Variants in BCL6 observed in about 807,000 individuals in gnomAD.
BCL6 encodes B-cell lymphoma 6 protein.
BCL6 carries 7 observed loss-of-function variants against 59.5 expected under a neutral mutation model. The ratio of observed to expected loss-of-function variants is 0.12; its 90% CI spans 0.07 to 0.22. The LOEUF is 0.22. BCL6 is among the 10% of genes least tolerant of loss of function. The probability of loss-of-function intolerance (pLI) is 1.00; values close to 1 mark genes in which losing one functional copy is unlikely to be tolerated. For missense variants in BCL6, 685 were observed against 939.4 expected (o/e 0.73, Z 3.54); for synonymous variants, 339 against 349.7 (o/e 0.97, Z 0.34).
intron 7 of BCL6, 141 bp downstream of exon 7, chr3:187,726,590 C>T (rs957240201): frequency 4.2e-6 from 5 of 1,187,132 alleles, no homozygotes; most frequent in African/African-American, 1.5e-5. Context: ...AGGGTTAGAC[C>T]CCTCGTTCAG....
rs1286889447 is a variant in BCL6 at position 187,725,434 on chromosome 3, A to G, written c.1839+65T>C. On this transcript the variant is annotated intron_variant, in intron 8 of 9. Transcript: ENST00000406870. The surrounding 1 kb of genome is among the most constrained non-coding windows in gnomAD (Gnocchi z 4.7). ...TGCCCACTCCTCCGCTTGCCTGCCCACTCCTCCGCTCGCCTGCCCGCTCCG... is the reference window on the plus strand; with the variant it reads ...TGCCCACTCCTCCGCTTGCCTGCCCGCTCCTCCGCTCGCCTGCCCGCTCCG... The G allele has an allele frequency of 5.8e-5, 88 of 1,511,950 alleles. 1 individual carries two copies. In the Admixed American group the frequency reaches 1.5e-3, roughly 26 times the overall value. 93.7% of individuals were successfully genotyped at this position (1,511,950 alleles called of 1,614,324 possible). A position where few individuals can be genotyped will look rare whatever the true frequency, so the allele number is the denominator to read the frequency against.
rs557073008 is a variant in BCL6 at position 187,725,278 on chromosome 3, A to ACCCGCTCTGCTCACCTG, written c.1839+204_1840-201dup. On this transcript the variant is annotated intron_variant, in intron 8 of 9. Transcript: ENST00000406870. The surrounding 1 kb of genome is among the most constrained non-coding windows in gnomAD (Gnocchi z 4.7). Reference sequence around the variant, plus strand: ...GCTCACCTGCCCACTCTGCTCACCTACCCGCTCTGCTCACCTGCCCGCTCT... The same window carrying ACCCGCTCTGCTCACCTG: ...GCTCACCTGCCCACTCTGCTCACCTACCCGCTCTGCTCACCTGCCCGCTCTGCTCACCTGCCCGCTCT... Among the ~76,000 whole-genome samples the ACCCGCTCTGCTCACCTG allele has an allele frequency of 7.3e-5, 10 of 136,498 alleles. No individual in the cohort carries two copies. The highest frequency in any genetic ancestry group is 2.9e-4 in the Admixed American group (4 of 14,024). The allele number at this position is 136,498 out of a possible 152,430, so 89.5% of individuals were successfully genotyped here.
At chr3:187,744,619 T>G (rs543725302) in intron 1 of BCL6, among the ~76,000 whole-genome samples, 2 of 152,136 alleles carry the variant, frequency 1.3e-5, no homozygotes, top group Admixed American at 6.5e-5. Context: ...TTGCATTTTT[T>G]CCTTCCAAAT....
chr3:187,724,030 G>A (rs1220514005), intron 9 of BCL6, among the ~76,000 whole-genome samples: 1 of 152,160 alleles, frequency 6.6e-6, no homozygotes, highest in African/African-American at 2.4e-5. Context: ...CAAACAGCAA[G>A]TAAGAAGATA....
At chr3:187,732,455 G>A in intron 3 of BCL6, 1 of 297,848 alleles carries the variant, frequency 3.4e-6, no homozygotes, top group Non-Finnish European at 6.9e-6. Context: ...ATTAACAGAG[G>A]GTCTGTTATT....
At chr3:187,733,487 A>T in intron 3 of BCL6, 46 bp downstream of exon 3, 1 of 1,599,254 alleles carries the variant, frequency 6.3e-7, no homozygotes, top group Non-Finnish European at 8.5e-7. Context: ...TGCCAGCACC[A>T]TCACCCCACT....
chr3:187,724,058 C>G (rs905878637), intron 9 of BCL6, among the ~76,000 whole-genome samples: 1 of 152,138 alleles, frequency 6.6e-6, no homozygotes, highest in East Asian at 1.9e-4. Flanking sequence ...ACAGCTTGAT[C>G]AACAAGTGAA....
At chr3:187,745,003 C>G (rs181305052) in intron 1 of BCL6, among the ~76,000 whole-genome samples, 4 of 152,046 alleles carry the variant, frequency 2.6e-5, no homozygotes, top group East Asian at 1.9e-4. Flanking sequence ...GTCCTCTCTG[C>G]TCCGGCCGCC....
intron 1 of BCL6, among the ~76,000 whole-genome samples, chr3:187,741,967 C>A (rs1308251810): frequency 6.6e-6 from 1 of 151,538 alleles, no homozygotes; most frequent in Non-Finnish European, 1.5e-5. Flanking sequence ...CAACCAGGCA[C>A]CCTCCCCCCA....
intron 1 of BCL6, chr3:187,736,128 G>A (rs748274063): frequency 6.6e-6 from 1 of 152,192 alleles, no homozygotes; most frequent in African/African-American, 2.4e-5. Context: ...CCTTGAGTCT[G>A]TAACCAAACA....
intron 1 of BCL6, among the ~76,000 whole-genome samples, chr3:187,735,559 T>A (rs1351306912): frequency 6.6e-6 from 1 of 152,224 alleles, no homozygotes; most frequent in African/African-American, 2.4e-5. Flanking sequence ...GTCTTCTTTT[T>A]CAAAGTGTTC....
At chr3:187,744,508 A>G (rs4686467) in intron 1 of BCL6, among the ~76,000 whole-genome samples, 91,892 of 152,006 alleles carry the variant, frequency 0.6, 28,376 homozygotes, top group African/African-American at 0.72. Context: ...CTCGGCTCTC[A>G]TTAGGAAGAT....
chr3:187,744,379 G>T (rs1576884830), intron 1 of BCL6, among the ~76,000 whole-genome samples: 2 of 152,076 alleles, frequency 1.3e-5, no homozygotes, highest in Middle Eastern at 3.4e-3. Context: ...GGATGAGCAG[G>T]GAGAGCGCGC....
intron 1 of BCL6, 102 bp downstream of exon 1, chr3:187,745,307 TA>T (rs1394517512): frequency 1.0e-5 from 4 of 398,218 alleles, no homozygotes; most frequent in African/African-American, 6.2e-5. Flanking sequence ...AATTAAAAGG[TA>T]AAATAATGAT....
chr3:187,741,739 T>C (rs1425362933), intron 1 of BCL6, among the ~76,000 whole-genome samples: 1 of 152,226 alleles, frequency 6.6e-6, no homozygotes, highest in Non-Finnish European at 1.5e-5. Context: ...AGCCTACCAT[T>C]GCTCCACGCC....
In BCL6 at chr3:187,729,893, C is replaced by T. The variant is rs1316769730; in HGVS notation, c.512G>A (p.Ser171Asn). The change falls in exon 5 of 10, where the codon AGC becomes AAC. Residue 171 changes from serine to asparagine, a missense_variant. This residue lies in a region of BCL6 where 268 missense variants were observed against 263.8 expected (regional missense o/e 1.02). Coordinates refer to ENST00000406870, the MANE Select transcript of BCL6 (RefSeq NM_001706.5). The surrounding 1 kb of genome is among the most constrained non-coding windows in gnomAD (Gnocchi z 5.6). ...EVVENNLPLR[S>N]APGCESRAFA... The stretch of plus-strand genomic sequence containing the variant: ...GGCTCTGCTCTCACACCCAGGGGCG[C>T]TCCTCAGTGGCAGGTTGTTCTCCAC... 1.3e-5 allele frequency: 21 copies of T among 1,614,024 alleles called. No individual in the cohort carries two copies. The highest frequency in any genetic ancestry group is 1.7e-5 in the Non-Finnish European group (20 of 1,180,038).
intron 1 of BCL6, among the ~76,000 whole-genome samples, chr3:187,742,573 C>G (rs1274597878): frequency 6.6e-6 from 1 of 152,046 alleles, no homozygotes; most frequent in African/African-American, 2.4e-5. Flanking sequence ...ACCCTTAAAA[C>G]TAGCCAATGC....
chr3:187,725,486 C>A lies in BCL6; in HGVS notation c.1839+13G>T. The A allele has an allele frequency of 6.2e-7, 1 of 1,609,668 alleles. No homozygotes were observed. The highest frequency in any genetic ancestry group is 8.5e-7 in the Non-Finnish European group (1 of 1,177,806). On this transcript the variant is annotated intron_variant, in intron 8 of 9. Coordinates refer to ENST00000406870, the MANE Select transcript of BCL6 (RefSeq NM_001706.5). The surrounding 1 kb of genome is among the most constrained non-coding windows in gnomAD (Gnocchi z 4.7). ...TCGCCTGCCCGCTCCGCTCGCCTGCCCACTCTGCTCACCTGTACAAATCTG... is the reference window on the plus strand; with the variant it reads ...TCGCCTGCCCGCTCCGCTCGCCTGCACACTCTGCTCACCTGTACAAATCTG...
rs76626887 is a variant in BCL6 at position 187,738,221 on chromosome 3, T to C, written c.-49-3314A>G. 3.9e-3 allele frequency among the ~76,000 whole-genome samples: 597 copies of C among 152,292 alleles called. 7 individuals carry two copies. Among genetic ancestry groups the C allele is most frequent in the African/African-American group, 0.013 (550 of 41,548 alleles). ...TAAGTTGTCCGATTCCGAAGTTTATTTGCTTTTTTCCCTCTTTTTGCCTTC... is the reference window on the plus strand; with the variant it reads ...TAAGTTGTCCGATTCCGAAGTTTATCTGCTTTTTTCCCTCTTTTTGCCTTC... On this transcript the variant is annotated intron_variant, in intron 1 of 9. Transcript: ENST00000406870.
Sources: gnomAD v4.1 joint callset for allele counts (sites outside exome capture counted in the v4.1 genomes callset) on GRCh38, gnomAD v4.1.1 for gene constraint, gnomAD v4.1.1 regional missense constraint, Gnocchi (gnomAD v3.1) non-coding constraint, MANE v1.5 for transcripts, NCBI Gene and HGNC (gene_info 2026-07-23, HGNC 2026-07-21) for gene names.